Variants in LAMA3 observed in about 807,000 individuals in gnomAD.
LAMA3 encodes the protein laminin subunit alpha-3.
LAMA3 carries 281 observed loss-of-function variants against 402.0 expected under a neutral mutation model. The ratio of observed to expected loss-of-function variants is 0.70; its 90% CI spans 0.63 to 0.77. The LOEUF is 0.77. LAMA3 is among the 30% of genes least tolerant of loss of function. The pLI is 0.00. For missense variants in LAMA3, 3,840 were observed against 4,215.5 expected (o/e 0.91, Z 2.47); for synonymous variants, 1,431 against 1,558.4 (o/e 0.92, Z 1.93).
Position 23,698,142 on chromosome 18 carries a change from G to A in LAMA3, c.294+8165G>A, listed in dbSNP as rs569632507. On this transcript the variant is annotated intron_variant, in intron 1 of 74. Coordinates refer to ENST00000313654, the MANE Select transcript of LAMA3 (RefSeq NM_198129.4). ...TCAAACTATGAATTTGTGGGAGGGG[G>A]TGGGTGGGGTGGTGGGGGGAAATGG... Among the ~76,000 whole-genome samples, 39 of 148,354 alleles carry A rather than the reference G, an allele frequency of 2.6e-4. No homozygotes were observed. The South Asian group carries it at 5.9e-3, about 22-fold the overall frequency.
chr18:23,919,819 A>G (rs2081767061), intron 60 of LAMA3, among the ~76,000 whole-genome samples: 1 of 151,090 alleles, frequency 6.6e-6, no homozygotes, highest in Non-Finnish European at 1.5e-5. Flanking sequence ...GAGGAGAGTC[A>G]CAGGCTCCCA....
At chr18:23,814,382 T>C in intron 14 of LAMA3, 21 bp from the exon 15 acceptor site, 2 of 1,519,738 alleles carry the variant, frequency 1.3e-6, no homozygotes, top group Non-Finnish European at 1.8e-6. Context: ...TGTCAAATGT[T>C]TGTTTGATTT....
At chr18:23,858,393 G>A (rs1311281789) in intron 33 of LAMA3, among the ~76,000 whole-genome samples, 1 of 152,150 alleles carries the variant, frequency 6.6e-6, no homozygotes, top group Non-Finnish European at 1.5e-5. Flanking sequence ...AGGTGGTGGT[G>A]AGTGAGATGA....
intron 11 of LAMA3, among the ~76,000 whole-genome samples, chr18:23,779,708 G>T (rs2062397261): frequency 1.3e-5 from 2 of 152,156 alleles, no homozygotes; most frequent in African/African-American, 2.4e-5. Context: ...AGAGAGGAGG[G>T]CTCGGGGTTG....
At chr18:23,883,823 T>A (rs1300864848) in intron 40 of LAMA3, among the ~76,000 whole-genome samples, 5 of 152,360 alleles carry the variant, frequency 3.3e-5, no homozygotes, top group East Asian at 3.8e-4. Context: ...AGCTTCCAGC[T>A]TCCATAAGTT....
chr18:23,904,088 G>A lies in LAMA3; in HGVS notation c.6473+1G>A. The A allele has an allele frequency of 1.2e-6, 2 of 1,613,368 alleles. No individual in the cohort carries two copies. Among genetic ancestry groups the A allele is most frequent in the South Asian group, 1.1e-5 (1 of 91,048 alleles). On this transcript the variant is annotated splice_donor_variant, in intron 50 of 74. Coordinates refer to ENST00000313654, the MANE Select transcript of LAMA3 (RefSeq NM_198129.4). LOFTEE classifies it high-confidence loss of function. ...AAGAGCTGGCAAAGCAGCTGGAAGAGTGAGTGCATGGCCCAGGAGACCAGA... is the reference window on the plus strand; with the variant it reads ...AAGAGCTGGCAAAGCAGCTGGAAGAATGAGTGCATGGCCCAGGAGACCAGA...
intron 12 of LAMA3, among the ~76,000 whole-genome samples, chr18:23,790,667 C>T (rs2062632046): frequency 6.6e-6 from 1 of 152,184 alleles, no homozygotes. Context: ...TGAATTTACT[C>T]TCATTCAGCT....
At chr18:23,767,028 G>T (rs931970591) in intron 8 of LAMA3, among the ~76,000 whole-genome samples, 8 of 152,190 alleles carry the variant, frequency 5.3e-5, no homozygotes, top group Admixed American at 4.6e-4. Flanking sequence ...AAAGTTTCAG[G>T]ATACAAAGAT....
intron 36 of LAMA3, among the ~76,000 whole-genome samples, chr18:23,865,360 C>G (rs762788374): frequency 8.5e-5 from 13 of 152,330 alleles, no homozygotes; most frequent in Non-Finnish European, 1.6e-4. Context: ...TGGCCTCAAA[C>G]TCCTAGGCTC....
In LAMA3 at chr18:23,904,219, G is replaced by T. The variant is rs941355344; in HGVS notation, c.6473+132G>T. On this transcript the variant is annotated intron_variant, in intron 50 of 74. Coordinates refer to ENST00000313654, the MANE Select transcript of LAMA3 (RefSeq NM_198129.4). The stretch of plus-strand genomic sequence containing the variant: ...GTGGAGGGCGGAGGGTGGGGTCAAG[G>T]CCAATGCCCCAGGCCCAAGTCAGAA... 10 of 1,005,528 alleles carry T rather than the reference G, an allele frequency of 9.9e-6. No homozygotes were observed. The African/African-American group carries it at 1.4e-4, about 14-fold the overall frequency. The allele number at this position is 1,005,528 out of a possible 1,614,324, so 62.3% of individuals were successfully genotyped here.
chr18:23,837,110 T>C (rs2063598675), intron 25 of LAMA3, 21 bp downstream of exon 25: 2 of 1,547,546 alleles, frequency 1.3e-6, no homozygotes, highest in Non-Finnish European at 1.8e-6. Flanking sequence ...GTTTTGCCCA[T>C]TGAATTTTAG....
In LAMA3 at chr18:23,918,267, T is replaced by C. The variant is rs1404711052; in HGVS notation, c.7923+1572T>C. On this transcript the variant is annotated intron_variant, in intron 60 of 74. Coordinates refer to ENST00000313654, the MANE Select transcript of LAMA3 (RefSeq NM_198129.4). This position sits in a 1 kb window ranked among gnomAD's most constrained non-coding sequence, Gnocchi z 4.1. ...TGATGTCTATTTTAATGAGGGCAAA[T>C]AATCAGGAATTTGAGAACATGCCCC... Among the ~76,000 whole-genome samples, 1 of 152,196 alleles carries C rather than the reference T, an allele frequency of 6.6e-6. No individual in the cohort carries two copies. Among genetic ancestry groups the C allele is most frequent in the Non-Finnish European group, 1.5e-5 (1 of 68,032 alleles).
At chr18:23,945,723 G>A (rs1364517416) in intron 69 of LAMA3, among the ~76,000 whole-genome samples, 3 of 152,188 alleles carry the variant, frequency 2.0e-5, no homozygotes, top group East Asian at 1.9e-4. Flanking sequence ...AAGTGCCCTC[G>A]TTCTACCTGC....
chr18:23,729,006 G>A (rs1334391205), intron 2 of LAMA3, among the ~76,000 whole-genome samples: 2 of 140,454 alleles, frequency 1.4e-5, no homozygotes, highest in South Asian at 2.3e-4. Flanking sequence ...ACTCCAGCCT[G>A]GGCAACAGAG....
chr18:23,945,062 G>A (rs901683679), intron 69 of LAMA3, among the ~76,000 whole-genome samples: 3 of 151,828 alleles, frequency 2.0e-5, no homozygotes, highest in Non-Finnish European at 4.4e-5. Flanking sequence ...GAACTCAGGA[G>A]GTGGAGGTTG....
intron 27 of LAMA3, among the ~76,000 whole-genome samples, chr18:23,840,883 A>T (rs1433316130): frequency 6.6e-6 from 1 of 152,236 alleles, no homozygotes; most frequent in African/African-American, 2.4e-5. Context: ...TTATGGGTTG[A>T]GCATCCCTAA....
intron 17 of LAMA3, among the ~76,000 whole-genome samples, chr18:23,815,957 G>A (rs1344168636): frequency 2.6e-5 from 4 of 152,062 alleles, no homozygotes; most frequent in Admixed American, 6.6e-5. Flanking sequence ...CAGGTGCCCC[G>A]CAAGGCTACT....
intron 68 of LAMA3, among the ~76,000 whole-genome samples, chr18:23,942,957 G>T (rs1246169451): frequency 6.6e-6 from 1 of 152,162 alleles, no homozygotes; most frequent in Non-Finnish European, 1.5e-5. Flanking sequence ...GAGGGTATTA[G>T]GGTCTAAGAA....
intron 72 of LAMA3, among the ~76,000 whole-genome samples, chr18:23,950,614 C>G (rs1434071214): frequency 6.6e-6 from 1 of 152,192 alleles, no homozygotes; most frequent in Admixed American, 6.5e-5. Flanking sequence ...ATATCTCTTT[C>G]CTTCTCAAAG....
Sources: gnomAD v4.1 joint callset for allele counts (sites outside exome capture counted in the v4.1 genomes callset) on GRCh38, gnomAD v4.1.1 for gene constraint, Gnocchi (gnomAD v3.1) non-coding constraint, MANE v1.5 for transcripts, NCBI Gene and HGNC (gene_info 2026-07-23, HGNC 2026-07-21) for gene names.